CP: variants seen among roughly 807,000 people sequenced by gnomAD.
CP encodes the protein caeruloplasmin.
In CP, 64 loss-of-function variants were observed where a neutral mutation model predicts 122.4. The ratio of observed to expected loss-of-function variants is 0.52; its 90% CI spans 0.43 to 0.64. The LOEUF (loss-of-function observed/expected upper bound fraction) is 0.64. Among genes scored for constraint, CP ranks in the 30% least tolerant of loss-of-function variants. The pLI, the probability that CP is intolerant of heterozygous loss-of-function variation, is 0.00. For missense variants in CP, 1,167 were observed against 1,284.4 expected (o/e 0.91, Z 1.40); for synonymous variants, 440 against 436.4 (o/e 1.01, Z -0.10).
In CP at chr3:149,180,722, G is replaced by T. The variant is rs34321384; in HGVS notation, c.2555-1060C>A. On this transcript the variant is annotated intron_variant, in intron 14 of 18. Coordinates refer to ENST00000264613, the MANE Select transcript of CP (RefSeq NM_000096.4). ...GCAGAAAATTTCACTAGAATATAAA[G>T]TATTGATTCACCACCTGCACATATT... Among the ~76,000 whole-genome samples the T allele has an allele frequency of 8.1e-3, 1,226 of 152,222 alleles. 13 individuals carry two copies. Among genetic ancestry groups the T allele is most frequent in the African/African-American group, 0.028 (1,163 of 41,530 alleles).
chr3:149,195,076 G>T (rs1726810584), intron 9 of CP, among the ~76,000 whole-genome samples: 4 of 152,044 alleles, frequency 2.6e-5, no homozygotes, highest in Admixed American at 2.0e-4. Flanking sequence ...CTTTTTTGTG[G>T]GTAACTAGAT....
chr3:149,179,717 C>CACAG (rs1725659459), intron 14 of CP, 55 bp from the exon 15 acceptor site: 1 of 687,498 alleles, frequency 1.5e-6, no homozygotes, highest in African/African-American at 2.2e-5. Flanking sequence ...ATTGTACACA[C>CACAG]ACACACACAC....
rs1442529216 is a variant in CP, at chr3:149,202,222, C to CA, written c.1227dup (p.Glu410Ter). On this transcript the variant is annotated frameshift_variant, in exon 7 of 19. Transcript: ENST00000264613. LOFTEE classifies it high-confidence loss of function. ...CCTCCAATTCTTGTGGTACCTTGTT[C>CA]AAAAAACACCGCTGAGTCACTGCAG... The CA allele has an allele frequency of 1.2e-6, 2 of 1,613,950 alleles. No individual in the cohort carries two copies. Among genetic ancestry groups the CA allele is most frequent in the South Asian group, 1.1e-5 (1 of 91,074 alleles).
At chr3:149,192,750 G>A (rs939492415) in intron 9 of CP, among the ~76,000 whole-genome samples, 13 of 151,196 alleles carry the variant, frequency 8.6e-5, no homozygotes, top group South Asian at 4.2e-4. Flanking sequence ...AATATCTGCC[G>A]TCACCAAGAA....
downstream of CP, chr3:149,172,318 T>TCTCACTCA: frequency 1.8e-6 from 1 of 570,776 alleles, no homozygotes; most frequent in Non-Finnish European, 3.2e-6. Context: ...ATTTTATATA[T>TCTCACTCA]CACACACACA....
Position 149,173,886 on chromosome 3 carries a change from A to G in CP, c.3182-156T>C, listed in dbSNP as rs190494355. On this transcript the variant is annotated intron_variant, in intron 18 of 18. Transcript: ENST00000264613. ...TATATGTTTAAAAATCTCTCATTCT[A>G]TTGCTGCTTTATTTAAAGAAAGATT... 1.6e-3 allele frequency among the ~76,000 whole-genome samples: 238 copies of G among 152,128 alleles called. 2 individuals carry two copies. The highest frequency in any genetic ancestry group is 5.3e-3 in the African/African-American group (221 of 41,538).
chr3:149,206,888 A>G (rs560365693), intron 5 of CP, among the ~76,000 whole-genome samples: 1 of 152,192 alleles, frequency 6.6e-6, no homozygotes. Flanking sequence ...CAGTAGACCA[A>G]TATTAAAAAC....
intron 12 of CP, 37 bp from the exon 13 acceptor site, chr3:149,183,642 T>A: frequency 1.4e-6 from 2 of 1,422,090 alleles, no homozygotes; most frequent in Non-Finnish European, 1.9e-6. Context: ...GTATTTGTCT[T>A]AATGAAAATG....
At chr3:149,201,463 G>A (rs528941307) in intron 7 of CP, among the ~76,000 whole-genome samples, 1 of 152,014 alleles carries the variant, frequency 6.6e-6, no homozygotes, top group African/African-American at 2.4e-5. Context: ...CTTTAACTAA[G>A]TGCAGAGGCT....
At chr3:149,186,051 T>G (rs925580706) in intron 11 of CP, 2 of 185,740 alleles carry the variant, frequency 1.1e-5, no homozygotes, top group African/African-American at 4.8e-5. Flanking sequence ...GTAGTTTGTT[T>G]TACTCGTTCA....
chr3:149,186,262 C>G (rs1383015489), intron 11 of CP: 2 of 519,698 alleles, frequency 3.8e-6, no homozygotes. Flanking sequence ...AAAAAGGGAT[C>G]ATCTTGAGGA....
chr3:149,206,626 A>T (rs1727743149), intron 5 of CP, among the ~76,000 whole-genome samples: 1 of 152,200 alleles, frequency 6.6e-6, no homozygotes, highest in Admixed American at 6.5e-5. Context: ...AGTTCTTTCA[A>T]TGAGAGAAAA....
At chr3:149,216,054 CG>C (rs1408596237) in intron 1 of CP, among the ~76,000 whole-genome samples, 1 of 152,170 alleles carries the variant, frequency 6.6e-6, no homozygotes, top group Non-Finnish European at 1.5e-5. Flanking sequence ...TATGCTTAGA[CG>C]TGGTTCCCAA....
intron 18 of CP, 108 bp downstream of exon 18, chr3:149,176,142 C>T: frequency 9.1e-7 from 1 of 1,098,290 alleles, no homozygotes; most frequent in Admixed American, 1.8e-5. Flanking sequence ...AGCAGATTCA[C>T]AAATGCTTCA....
At chr3:149,215,643 G>A (rs948704309) in intron 1 of CP, among the ~76,000 whole-genome samples, 1 of 152,102 alleles carries the variant, frequency 6.6e-6, no homozygotes, top group Non-Finnish European at 1.5e-5. Flanking sequence ...GTCATTAGGG[G>A]CTCTCTATTT....
chr3:149,169,334 T>G (rs1053297833), downstream of CP, among the ~76,000 whole-genome samples: 1 of 152,200 alleles, frequency 6.6e-6, no homozygotes, highest in Admixed American at 6.5e-5. Context: ...GTTCCAGGTT[T>G]GCCACTTACT....
intron 1 of CP, among the ~76,000 whole-genome samples, chr3:149,213,823 C>A (rs961996521): frequency 6.6e-6 from 1 of 152,154 alleles, no homozygotes; most frequent in African/African-American, 2.4e-5. Flanking sequence ...TCTTTCCCTT[C>A]TTTAAGACAA....
chr3:149,211,296 G>C (rs945033664), intron 2 of CP, among the ~76,000 whole-genome samples: 3 of 152,124 alleles, frequency 2.0e-5, no homozygotes, highest in Non-Finnish European at 4.4e-5. Context: ...TATGATAGCA[G>C]CTGATAGTTA....
At chr3:149,197,835 A>C (rs114357377) in intron 9 of CP, among the ~76,000 whole-genome samples, 2,998 of 152,278 alleles carry the variant, frequency 0.02, 116 homozygotes, top group African/African-American at 0.067. Context: ...AGAGCTCAGG[A>C]GATAATGCTT....
Sources: gnomAD v4.1 joint callset for allele counts (sites outside exome capture counted in the v4.1 genomes callset) on GRCh38, gnomAD v4.1.1 for gene constraint, MANE v1.5 for transcripts, NCBI Gene and HGNC (gene_info 2026-07-23, HGNC 2026-07-21) for gene names.